The following ITGA2 variants were observed in gnomAD, a reference collection of about 807,000 sequenced individuals.
ITGA2 encodes the protein integrin alpha-2.
A neutral mutation model predicts 146.3 loss-of-function variants in ITGA2; 101 were observed. The ratio of observed to expected loss-of-function variants is 0.69; its 90% CI spans 0.59 to 0.81. The LOEUF (loss-of-function observed/expected upper bound fraction) is 0.81, where lower values mean the gene tolerates loss of function less well. Among genes scored for constraint, ITGA2 ranks in the 40% least tolerant of loss-of-function variants. The pLI, the probability that ITGA2 is intolerant of heterozygous loss-of-function variation, is 0.00. For synonymous variants in ITGA2, 477 were observed against 487.1 expected (o/e 0.98, Z 0.27); for missense variants, 1,281 against 1,402.7 (o/e 0.91, Z 1.39).
At chr5:53,038,006 G>A (rs1025082908) in intron 2 of ITGA2, among the ~76,000 whole-genome samples, 9 of 152,150 alleles carry the variant, frequency 5.9e-5, no homozygotes, top group African/African-American at 2.2e-4. Context: ...TAAATTAGAA[G>A]AGCTGCAGTT....
chr5:53,046,441 T>C (rs1744091785), intron 4 of ITGA2, among the ~76,000 whole-genome samples: 1 of 152,006 alleles, frequency 6.6e-6, no homozygotes, highest in Non-Finnish European at 1.5e-5. Flanking sequence ...AGTGCATAAA[T>C]GAATATTGCA....
chr5:53,036,670 T>C (rs997588287), intron 2 of ITGA2, among the ~76,000 whole-genome samples: 2 of 152,208 alleles, frequency 1.3e-5, no homozygotes, highest in Admixed American at 6.5e-5. Flanking sequence ...CCCAAAGCAC[T>C]GATCACTACC....
chr5:53,038,127 T>C (rs890954738), intron 2 of ITGA2, among the ~76,000 whole-genome samples: 4 of 151,782 alleles, frequency 2.6e-5, no homozygotes, highest in African/African-American at 9.7e-5. Context: ...CAGGGAGTGC[T>C]TAGTTGAGAG....
chr5:53,090,926 T>G lies in ITGA2; in HGVS notation c.*327T>G, dbSNP rs1386478144. The G allele has an allele frequency of 1.5e-5, 8 of 545,416 alleles. No individual in the cohort carries two copies. Among genetic ancestry groups the G allele is most frequent in the Non-Finnish European group, 2.3e-5 (7 of 309,426 alleles). The allele number at this position is 545,416 out of a possible 1,614,324, so 33.8% of individuals were successfully genotyped here. A position where few individuals can be genotyped will look rare whatever the true frequency, so the allele number is the denominator to read the frequency against. On this transcript the variant is annotated 3_prime_UTR_variant, in exon 30 of 30. Transcript: ENST00000296585. ...ATGAAATGCTTCCAAGCATGACAAC[T>G]TTTAAAGAAAAATATGATACTCTCA...
Position 53,070,093 on chromosome 5 carries a change from A to ATT in ITGA2, c.2084-9_2084-8dup, listed in dbSNP as rs3212565. On this transcript the variant is annotated splice_polypyrimidine_tract_variant and intron_variant, in intron 16 of 29. Transcript: ENST00000296585. ...TGATTTGAAATAACATTTCTTTATG[A>ATT]TTTTTTTTATCATAGCCATTGTATA... 0.088 allele frequency: 140,093 copies of ATT among 1,595,398 alleles called. 6,169 individuals are homozygous for ATT. Among genetic ancestry groups the ATT allele is most frequent in the African/African-American group, 0.18 (13,696 of 74,090 alleles).
At chr5:53,077,244 GT>G (rs1483802406) in intron 23 of ITGA2, among the ~76,000 whole-genome samples, 4 of 151,678 alleles carry the variant, frequency 2.6e-5, no homozygotes, top group Non-Finnish European at 5.9e-5. Flanking sequence ...TTTTTATTTT[GT>G]TTTGTTTAAC....
chr5:52,998,125 T>G (rs1741368199), intron 1 of ITGA2, among the ~76,000 whole-genome samples: 2 of 152,190 alleles, frequency 1.3e-5, no homozygotes, highest in South Asian at 4.1e-4. Flanking sequence ...TGTCATTTTA[T>G]TATTTTTTTT....
intron 1 of ITGA2, among the ~76,000 whole-genome samples, chr5:53,004,176 G>A (rs774443822): frequency 2.8e-4 from 42 of 151,942 alleles, no homozygotes; most frequent in Admixed American, 1.1e-3. Context: ...GTCCTCTGAG[G>A]GATAAAATTA....
chr5:53,083,265 C>T (rs1746012259), intron 26 of ITGA2, 75 bp from the exon 27 acceptor site: 1 of 932,678 alleles, frequency 1.1e-6, no homozygotes, highest in Admixed American at 1.9e-5. Flanking sequence ...TTTTATCTAG[C>T]TTTAAAATTT....
chr5:53,008,705 T>A (rs1186940569), intron 1 of ITGA2, among the ~76,000 whole-genome samples: 1 of 152,118 alleles, frequency 6.6e-6, no homozygotes, highest in African/African-American at 2.4e-5. Context: ...TCCATTCTTA[T>A]AAGAAAATGC....
At chr5:53,007,867 A>G (rs1453086817) in intron 1 of ITGA2, among the ~76,000 whole-genome samples, 1 of 152,240 alleles carries the variant, frequency 6.6e-6, no homozygotes, top group Non-Finnish European at 1.5e-5. Flanking sequence ...CACATGCCAC[A>G]GTACTCCAGG....
Position 53,061,041 on chromosome 5 carries a change from G to T in ITGA2, c.1453G>T (p.Asp485Tyr). 6.2e-7 allele frequency: 1 copy of T among 1,612,048 alleles called. No homozygotes were observed. The highest frequency in any genetic ancestry group is 1.1e-5 in the South Asian group (1 of 91,044). ...CACGGTTATTCAGGCTCACCGAGGT[G>T]ACCAGGTAAATCTCACTGTTTAGCA... The part of the protein sequence containing the change: ...NITVIQAHRG[D>Y]QIGSYFGSVL... Residue 485 changes from aspartate (D) to tyrosine (Y), a missense_variant, in exon 12 of 30, where the codon GAC becomes TAC. Around this residue, in one of 3 missense-constraint regions of ITGA2, gnomAD observed 795 missense variants for 841.7 expected, o/e 0.94. Coordinates refer to ENST00000296585, the MANE Select transcript of ITGA2 (RefSeq NM_002203.4).
chr5:53,056,340 A>G (rs1744632990), intron 9 of ITGA2, among the ~76,000 whole-genome samples, 191 bp downstream of exon 9: 1 of 152,084 alleles, frequency 6.6e-6, no homozygotes, highest in Admixed American at 6.6e-5. Flanking sequence ...ACTGATAAAC[A>G]TAAGAAAATA....
At chr5:53,041,976 C>G in intron 2 of ITGA2, 136 bp from the exon 3 acceptor site, 2 of 669,320 alleles carry the variant, frequency 3.0e-6, no homozygotes, top group South Asian at 3.3e-5. Context: ...AGAAAGGCAG[C>G]AGGTCAAATC....
chr5:53,007,280 G>C (rs557637198), intron 1 of ITGA2, among the ~76,000 whole-genome samples: 5 of 152,198 alleles, frequency 3.3e-5, no homozygotes, highest in African/African-American at 1.2e-4. Flanking sequence ...TTGGAAGAAA[G>C]GTATGCACAG....
rs1183708109 is a variant in ITGA2 at position 53,094,124 on chromosome 5, A to T, written c.*3525A>T. ...AAATCTCAAAAATTAAGACATCATCATACAGAAGGCAGGATTCCTTAAACT... is the reference window on the plus strand; with the variant it reads ...AAATCTCAAAAATTAAGACATCATCTTACAGAAGGCAGGATTCCTTAAACT... On this transcript the variant is annotated 3_prime_UTR_variant, in exon 30 of 30. Coordinates refer to ENST00000296585, the MANE Select transcript of ITGA2 (RefSeq NM_002203.4). 7.9e-5 allele frequency: 12 copies of T among 152,456 alleles called. No individual in the cohort carries two copies. The highest frequency in any genetic ancestry group is 2.9e-4 in the African/African-American group (12 of 41,442). The allele number at this position is 152,456 out of a possible 1,614,324, so 9.4% of individuals were successfully genotyped here. A position where few individuals can be genotyped will look rare whatever the true frequency, so the allele number is the denominator to read the frequency against.
chr5:53,070,808 A>G (rs952764307), intron 17 of ITGA2, among the ~76,000 whole-genome samples: 2 of 151,956 alleles, frequency 1.3e-5, no homozygotes, highest in Non-Finnish European at 2.9e-5. Context: ...CCAGCCGGAA[A>G]TTTATTTTAT....
chr5:53,082,976 T>C (rs763563143), intron 26 of ITGA2, among the ~76,000 whole-genome samples: 2 of 151,852 alleles, frequency 1.3e-5, no homozygotes, highest in Non-Finnish European at 2.9e-5. Context: ...AACTAGTACA[T>C]TGTTGCTAAA....
chr5:52,998,631 T>C (rs1429681212), intron 1 of ITGA2, among the ~76,000 whole-genome samples: 2 of 152,182 alleles, frequency 1.3e-5, no homozygotes, highest in Non-Finnish European at 2.9e-5. Flanking sequence ...GCCAATCTTC[T>C]AATTCAATTT....
Sources: allele counts gnomAD v4.1 joint callset (sites outside exome capture counted in the v4.1 genomes callset), GRCh38; gene constraint gnomAD v4.1.1; regional missense constraint gnomAD v4.1.1; transcripts MANE v1.5; gene names NCBI Gene and HGNC (gene_info 2026-07-23, HGNC 2026-07-21).